Variants in SCAPER observed in about 807,000 individuals in gnomAD.
The protein encoded by SCAPER is S-phase cyclin A associated protein in the ER, also known as S phase cyclin A-associated protein in the endoplasmic reticulum.
SCAPER carries 98 observed loss-of-function variants against 182.2 expected under a neutral mutation model. That is an observed-to-expected ratio of 0.54 (90% confidence interval 0.46 to 0.64). The LOEUF is 0.64. Among genes scored for constraint, SCAPER ranks in the 30% least tolerant of loss-of-function variants. The pLI is 0.00. For synonymous variants in SCAPER, 605 were observed against 564.6 expected (o/e 1.07, Z -1.01); for missense variants, 1,432 against 1,690.0 (o/e 0.85, Z 2.68).
chr15:76,781,160 C>T (rs920570877), intron 8 of SCAPER, among the ~76,000 whole-genome samples: 11 of 152,092 alleles, frequency 7.2e-5, no homozygotes, highest in Admixed American at 1.3e-4. Flanking sequence ...CCACGAATGC[C>T]TAACTAGAAT....
chr15:76,766,548 G>A (rs2063128569), intron 11 of SCAPER, among the ~76,000 whole-genome samples: 1 of 151,726 alleles, frequency 6.6e-6, no homozygotes, highest in Non-Finnish European at 1.5e-5. Flanking sequence ...ATGTTGCCCA[G>A]GCTGGTCTCG....
At chr15:76,817,916 C>A (rs1243421143) in intron 5 of SCAPER, among the ~76,000 whole-genome samples, 1 of 152,114 alleles carries the variant, frequency 6.6e-6, no homozygotes, top group Admixed American at 6.5e-5. Flanking sequence ...TTTATAAATT[C>A]AATGCAATCT....
chr15:76,513,986 T>C (rs1446119672), intron 23 of SCAPER, among the ~76,000 whole-genome samples: 1 of 152,176 alleles, frequency 6.6e-6, no homozygotes, highest in African/African-American at 2.4e-5. Flanking sequence ...CGCAAAGTTA[T>C]TTGTGTCCAT....
intron 22 of SCAPER, among the ~76,000 whole-genome samples, chr15:76,613,053 TG>T: frequency 6.6e-6 from 1 of 152,186 alleles, no homozygotes; most frequent in African/African-American, 2.4e-5. Context: ...CAAAACAGCA[TG>T]GTACTGGTAC....
In SCAPER at chr15:76,353,930, C is replaced by A; in HGVS notation, c.4047+19G>T. Reference sequence around the variant, plus strand: ...GTTTACACACAAAGCTAGACAATTACGTATAATGTAGAAGGTACCTGAATG... The same window carrying A: ...GTTTACACACAAAGCTAGACAATTAAGTATAATGTAGAAGGTACCTGAATG... On this transcript the variant is annotated intron_variant, in intron 30 of 31. Coordinates refer to ENST00000563290, the MANE Select transcript of SCAPER (RefSeq NM_020843.4). The A allele has an allele frequency of 1.3e-6, 2 of 1,510,190 alleles. No homozygotes were observed. Among genetic ancestry groups the A allele is most frequent in the South Asian group, 1.3e-5 (1 of 74,986 alleles). 93.5% of individuals were successfully genotyped at this position (1,510,190 alleles called of 1,614,324 possible). A position where few individuals can be genotyped will look rare whatever the true frequency, so the allele number is the denominator to read the frequency against.
intron 23 of SCAPER, among the ~76,000 whole-genome samples, chr15:76,509,195 T>C (rs577329080): frequency 1.3e-5 from 2 of 152,222 alleles, no homozygotes; most frequent in Admixed American, 1.3e-4. Flanking sequence ...CTCCTAGCAA[T>C]GCATAAGGCA....
intron 25 of SCAPER, among the ~76,000 whole-genome samples, chr15:76,445,905 C>T (rs1406545733): frequency 2.6e-5 from 4 of 152,262 alleles, no homozygotes; most frequent in East Asian, 3.9e-4. Context: ...GCGAGAGGGG[C>T]GTTGCATGAG....
At chr15:76,356,448 T>C (rs1360202734) in intron 29 of SCAPER, among the ~76,000 whole-genome samples, 1 of 152,090 alleles carries the variant, frequency 6.6e-6, no homozygotes, top group African/African-American at 2.4e-5. Context: ...TCTTAGGCCT[T>C]AGGTGGTAAA....
chr15:76,625,926 CA>C (rs1463993077), intron 21 of SCAPER, among the ~76,000 whole-genome samples: 2 of 145,822 alleles, frequency 1.4e-5, no homozygotes, highest in African/African-American at 5.6e-5. Flanking sequence ...TCCCTGGCCA[CA>C]ACGGAAGAAG....
chr15:76,392,454 G>C (rs1181834807), intron 27 of SCAPER, among the ~76,000 whole-genome samples: 1 of 152,114 alleles, frequency 6.6e-6, no homozygotes. Context: ...AAAGAACCAG[G>C]GCTAGGCATG....
chr15:76,421,473 T>G lies in SCAPER; in HGVS notation c.3311+12605A>C, dbSNP rs900585865. ...GCCCACTTTTTGATGGGGTTGTTTG[T>G]TTTTTTCTTGTAAATTTGTTTGAGT... On this transcript the variant is annotated intron_variant, in intron 26 of 31. Transcript: ENST00000563290. 2.6e-3 allele frequency among the ~76,000 whole-genome samples: 392 copies of G among 152,280 alleles called. 2 individuals carry two copies. Among genetic ancestry groups the G allele is most frequent in the Non-Finnish European group, 3.9e-3 (268 of 68,014 alleles).
intron 26 of SCAPER, among the ~76,000 whole-genome samples, chr15:76,432,020 C>T (rs182085421): frequency 7.2e-5 from 11 of 152,256 alleles, no homozygotes; most frequent in East Asian, 3.9e-4. Flanking sequence ...TGAAAATGTA[C>T]GTATTTCCCC....
rs184255073 is a variant in SCAPER at position 76,494,732 on chromosome 15, T to C, written c.2954+10127A>G. 3.2e-3 allele frequency among the ~76,000 whole-genome samples: 481 copies of C among 152,270 alleles called. 3 individuals are homozygous for C. Among genetic ancestry groups the C allele is most frequent in the South Asian group, 0.016 (75 of 4,816 alleles). ...AATTTAATTGTTTTGTTGTGTAGTA[T>C]AGAATATCTTATTGATTGATAAGAT... On this transcript the variant is annotated intron_variant, in intron 24 of 31. Coordinates refer to ENST00000563290, the MANE Select transcript of SCAPER (RefSeq NM_020843.4).
chr15:76,504,454 A>G (rs1015787369), intron 24 of SCAPER, among the ~76,000 whole-genome samples: 11 of 152,176 alleles, frequency 7.2e-5, no homozygotes, highest in African/African-American at 2.4e-4. Flanking sequence ...CTCTTCCTGT[A>G]TGGTAGGAAC....
Position 76,557,854 on chromosome 15 carries a change from C to T in SCAPER, c.2838+16304G>A, listed in dbSNP as rs2046303838. Among the ~76,000 whole-genome samples, 5 of 152,294 alleles carry T rather than the reference C, an allele frequency of 3.3e-5. No homozygotes were observed. The South Asian group carries it at 1.0e-3, about 32-fold the overall frequency. On this transcript the variant is annotated intron_variant, in intron 23 of 31. Transcript: ENST00000563290. ...GCCCAGAAATAAAGCTGCTCACCTA[C>T]AGCCATCTAATCTTTGACAAAGTCA...
intron 30 of SCAPER, 99 bp downstream of exon 30, chr15:76,353,850 T>C (rs932504714): frequency 9.1e-6 from 9 of 994,126 alleles, no homozygotes; most frequent in Non-Finnish European, 1.2e-5. Flanking sequence ...TTTTAAAAGG[T>C]AGTATGGAAG....
At chr15:76,585,860 A>C (rs62030413) in intron 22 of SCAPER, among the ~76,000 whole-genome samples, 1 of 152,152 alleles carries the variant, frequency 6.6e-6, no homozygotes, top group Non-Finnish European at 1.5e-5. Flanking sequence ...TCTGAGAGCT[A>C]TATTTTCCTC....
intron 1 of SCAPER, among the ~76,000 whole-genome samples, chr15:76,886,180 T>C (rs907380504): frequency 6.6e-6 from 1 of 152,124 alleles, no homozygotes; most frequent in Non-Finnish European, 1.5e-5. Flanking sequence ...TGTGAAAATG[T>C]ATAAAAATAA....
At chr15:76,424,481 C>T (rs1202367915) in intron 26 of SCAPER, among the ~76,000 whole-genome samples, 2 of 152,186 alleles carry the variant, frequency 1.3e-5, no homozygotes, top group African/African-American at 4.8e-5. Context: ...GTAGACTTCC[C>T]TCCATCCCTT....
Sources: gnomAD v4.1 joint callset for allele counts (sites outside exome capture counted in the v4.1 genomes callset) on GRCh38, gnomAD v4.1.1 for gene constraint, MANE v1.5 for transcripts, NCBI Gene and HGNC (gene_info 2026-07-23, HGNC 2026-07-21) for gene names.